The following DMD variants were observed in gnomAD, a reference collection of about 807,000 sequenced individuals.
DMD encodes the protein dystrophin, also known as mutant dystrophin.
Under a neutral mutation model 330.1 loss-of-function variants are expected in DMD, and 63 were observed. The observed-to-expected ratio is 0.19, with a 90% confidence interval of 0.16 to 0.24. DMD has a LOEUF of 0.24. Among genes scored for constraint, DMD ranks in the 10% least tolerant of loss-of-function variants. DMD has a pLI of 1.00. For missense variants in DMD, 3,344 were observed against 2,684.1 expected (o/e 1.25, Z -5.43); for synonymous variants, 1,223 against 959.8 (o/e 1.27, Z -5.07).
chrX:32,862,857 G>T (rs952553736), intron 2 of DMD, among the ~76,000 whole-genome samples: 1 of 110,246 alleles, frequency 9.1e-6, no homozygotes, highest in Non-Finnish European at 1.9e-5. Flanking sequence ...CTGCCTCCGC[G>T]TCCCTAGTAG....
At chrX:31,473,464 G>A (rs2067469965) in intron 59 of DMD, among the ~76,000 whole-genome samples, 1 of 109,957 alleles carries the variant, frequency 9.1e-6, no homozygotes. Context: ...GCTCACGCCT[G>A]TAATCCCAGC....
At chrX:31,426,278 G>A (rs2063710322) in intron 60 of DMD, among the ~76,000 whole-genome samples, 1 of 111,935 alleles carries the variant, frequency 8.9e-6, no homozygotes, top group African/African-American at 3.2e-5. Flanking sequence ...ATTTAATCAA[G>A]TGCCCCTGGT....
chrX:31,814,375 G>A (rs896455812), intron 50 of DMD, among the ~76,000 whole-genome samples: 1 of 104,344 alleles, frequency 9.6e-6, no homozygotes, highest in African/African-American at 3.5e-5. Flanking sequence ...CCCAGCTACG[G>A]GGGAGGCTGA....
At chrX:31,621,406 A>G (rs1204716478) in intron 55 of DMD, among the ~76,000 whole-genome samples, 1 of 111,428 alleles carries the variant, frequency 9.0e-6, no homozygotes, top group East Asian at 2.8e-4. Flanking sequence ...TCATTCTCCT[A>G]ACCACTACCA....
intron 62 of DMD, among the ~76,000 whole-genome samples, chrX:31,316,510 A>G (rs1218630576): frequency 9.0e-6 from 1 of 111,613 alleles, no homozygotes; most frequent in East Asian, 2.8e-4. Context: ...TTTTTCATGA[A>G]CCTATGAGAC....
chrX:33,183,424 T>C (rs2050089934), intron 1 of DMD, among the ~76,000 whole-genome samples: 1 of 111,912 alleles, frequency 8.9e-6, no homozygotes, highest in Non-Finnish European at 1.9e-5. Context: ...CTCAGCTATT[T>C]GTCAAAGCTA....
upstream of DMD, among the ~76,000 whole-genome samples, chrX:33,215,801 T>G (rs912762239): frequency 1.2e-4 from 13 of 111,936 alleles, no homozygotes; most frequent in African/African-American, 3.2e-5. Context: ...ATTGCTTATT[T>G]TTGTTGACTT....
chrX:31,730,290 C>T (rs2086406812), intron 51 of DMD, among the ~76,000 whole-genome samples: 1 of 111,623 alleles, frequency 9.0e-6, no homozygotes. Context: ...CCGTAAGAAT[C>T]ACCAAACCTT....
chrX:31,916,701 T>A (rs1156422717), intron 47 of DMD, among the ~76,000 whole-genome samples: 1 of 111,583 alleles, frequency 9.0e-6, no homozygotes, highest in African/African-American at 3.3e-5. Flanking sequence ...TGCCAACGCC[T>A]CCCACTGGTT....
chrX:33,223,395 T>G (rs1038908848), intron 1 of DMD, among the ~76,000 whole-genome samples: 7 of 111,871 alleles, frequency 6.3e-5, no homozygotes, highest in Non-Finnish European at 1.3e-4. Context: ...ACTTCAAGAC[T>G]TCGGTAATCA....
intron 1 of DMD, among the ~76,000 whole-genome samples, chrX:33,310,702 T>C (rs1197894878): frequency 1.8e-5 from 2 of 111,098 alleles, no homozygotes; most frequent in Non-Finnish European, 3.8e-5. Flanking sequence ...AAAAATTGAG[T>C]ATTGTTTCAT....
chrX:31,409,391 T>A (rs2061543461), intron 60 of DMD, among the ~76,000 whole-genome samples: 2 of 112,054 alleles, frequency 1.8e-5, no homozygotes, highest in Admixed American at 9.5e-5. Context: ...TACTTCCTCC[T>A]CAACACAACC....
chrX:32,476,048 G>C (rs894891294), intron 21 of DMD, among the ~76,000 whole-genome samples: 10 of 111,219 alleles, frequency 9.0e-5, no homozygotes, highest in African/African-American at 3.3e-4. Flanking sequence ...GCAAATGATT[G>C]TGTCTGAGAT....
At chrX:31,574,433 G>A (rs2075996506) in intron 55 of DMD, among the ~76,000 whole-genome samples, 1 of 111,155 alleles carries the variant, frequency 9.0e-6, no homozygotes, top group African/African-American at 3.3e-5. Flanking sequence ...GTGAGCCACT[G>A]TGCCCGGCTG....
At chrX:33,210,227 C>T (rs2051820356) in intron 1 of DMD, among the ~76,000 whole-genome samples, 1 of 109,460 alleles carries the variant, frequency 9.1e-6, no homozygotes, top group Non-Finnish European at 1.9e-5. Context: ...GGCAAAACTT[C>T]TGCCTTTTTT....
At chrX:31,685,078 T>C (rs2082602226) in intron 52 of DMD, among the ~76,000 whole-genome samples, 1 of 111,928 alleles carries the variant, frequency 8.9e-6, no homozygotes, top group Admixed American at 9.5e-5. Context: ...ATAAATACAC[T>C]GAATGCTTAT....
chrX:31,881,604 T>A, intron 47 of DMD, among the ~76,000 whole-genome samples: 1 of 111,684 alleles, frequency 9.0e-6, no homozygotes, highest in Admixed American at 9.5e-5. Flanking sequence ...GTACTATTTT[T>A]TATCATTTGT....
At chrX:31,567,298 A>G (rs755883204) in intron 55 of DMD, among the ~76,000 whole-genome samples, 1 of 111,336 alleles carries the variant, frequency 9.0e-6, no homozygotes, top group Non-Finnish European at 1.9e-5. Flanking sequence ...ATTAGCAATC[A>G]TGGGTGGAAA....
Position 32,883,555 on chromosome X carries a change from T to G in DMD, c.94-33735A>C, listed in dbSNP as rs771958625. On this transcript the variant is annotated intron_variant, in intron 2 of 78. Transcript: ENST00000357033. ...AAATGGCTTCCATGGCCAGGCGCGG[T>G]GGCTCACGCCTGTAATCCCCGCACT... Among the ~76,000 whole-genome samples, 708 of 110,743 alleles carry G rather than the reference T, an allele frequency of 6.4e-3. 4 individuals are homozygous for G. Among genetic ancestry groups the G allele is most frequent in the Middle Eastern group, 0.014 (3 of 215 alleles).
Sources: allele counts gnomAD v4.1 joint callset (sites outside exome capture counted in the v4.1 genomes callset), GRCh38; gene constraint gnomAD v4.1.1; transcripts MANE v1.5; gene names NCBI Gene and HGNC (gene_info 2026-07-23, HGNC 2026-07-21).